The following VPS35L variants were observed in gnomAD, a reference collection of about 807,000 sequenced individuals.
The protein encoded by VPS35L is VPS35 endosomal protein-sorting factor-like.
Under a neutral mutation model 133.0 loss-of-function variants are expected in VPS35L, and 83 were observed. That is an observed-to-expected ratio of 0.62 (90% CI 0.52 to 0.75). The LOEUF (loss-of-function observed/expected upper bound fraction) is 0.75. Among genes scored for constraint, VPS35L ranks in the 30% least tolerant of loss-of-function variants. The probability of loss-of-function intolerance (pLI) is 0.00; values close to 1 mark genes in which losing one functional copy is unlikely to be tolerated. For synonymous variants in VPS35L, 423 were observed against 449.9 expected, an observed-to-expected ratio of 0.94 and a Z score of 0.76; for missense variants, 1,083 against 1,206.8, an observed-to-expected ratio of 0.90 and a Z score of 1.52.
chr16:19,688,052 G>C (rs1042123998), intron 28 of VPS35L, among the ~76,000 whole-genome samples: 6 of 151,350 alleles, frequency 4.0e-5, no homozygotes, highest in Non-Finnish European at 7.4e-5. Context: ...TCAGCCTCCC[G>C]AGTAGCTGGG....
chr16:19,656,447 A>T (rs1228450808), intron 26 of VPS35L, among the ~76,000 whole-genome samples: 1 of 151,444 alleles, frequency 6.6e-6, no homozygotes, highest in Admixed American at 6.6e-5. Flanking sequence ...GAATTACATG[A>T]TGTATTTGGC....
At chr16:19,622,140 C>CTTTTTTTTTTTTTTT (rs60521137) in intron 14 of VPS35L, among the ~76,000 whole-genome samples, 3 of 107,918 alleles carry the variant, frequency 2.8e-5, no homozygotes, top group Non-Finnish European at 5.4e-5. Flanking sequence ...CCATGTATAT[C>CTTTTTTTTTTTTTTT]TTTTTTTTTT....
At chr16:19,656,243 A>G (rs1428578623) in intron 26 of VPS35L, among the ~76,000 whole-genome samples, 16 of 148,284 alleles carry the variant, frequency 1.1e-4, no homozygotes, top group Middle Eastern at 3.5e-3. Flanking sequence ...CAGCCTGGGC[A>G]ACAAAGCGAG....
At chr16:19,658,897 G>A (rs1219487598) in intron 26 of VPS35L, among the ~76,000 whole-genome samples, 5 of 152,124 alleles carry the variant, frequency 3.3e-5, no homozygotes, top group Non-Finnish European at 7.4e-5. Context: ...GTTTTATTCA[G>A]TACGTATTAT....
chr16:19,572,192 G>A (rs1294130346), intron 3 of VPS35L, among the ~76,000 whole-genome samples: 3 of 152,130 alleles, frequency 2.0e-5, no homozygotes, highest in African/African-American at 2.4e-5. Context: ...GGCTGAGGCG[G>A]GCGGATCATG....
chr16:19,643,933 G>A (rs1973862107), intron 22 of VPS35L, among the ~76,000 whole-genome samples: 1 of 152,028 alleles, frequency 6.6e-6, no homozygotes, highest in Admixed American at 6.6e-5. Flanking sequence ...ACTCCAGCCT[G>A]GGCAACAAGA....
chr16:19,686,421 A>T (rs1975462291), intron 28 of VPS35L, among the ~76,000 whole-genome samples: 1 of 152,206 alleles, frequency 6.6e-6, no homozygotes, highest in South Asian at 2.1e-4. Context: ...TGTAGAAGTG[A>T]AGAATAGTCT....
intron 10 of VPS35L, 156 bp downstream of exon 10, chr16:19,608,430 C>T (rs1450390447): frequency 1.6e-6 from 1 of 616,786 alleles, no homozygotes; most frequent in Non-Finnish European, 2.8e-6. Flanking sequence ...GGGCAAGCCA[C>T]ATTGTAGAAA....
At chr16:19,621,119 A>G (rs1347285805) in intron 14 of VPS35L, among the ~76,000 whole-genome samples, 3 of 152,156 alleles carry the variant, frequency 2.0e-5, no homozygotes, top group Non-Finnish European at 4.4e-5. Flanking sequence ...TGGAGAAGAG[A>G]GGGCCATCTA....
intron 26 of VPS35L, among the ~76,000 whole-genome samples, chr16:19,658,210 A>G (rs1474420883): frequency 6.6e-6 from 1 of 152,152 alleles, no homozygotes; most frequent in Non-Finnish European, 1.5e-5. Flanking sequence ...CAAGCATTGT[A>G]TGGGCAACAG....
In VPS35L at chr16:19,579,071, A is replaced by G. The variant is rs2151515526; in HGVS notation, c.453A>G (p.Thr151=). 2 of 1,614,176 alleles carry G rather than the reference A, an allele frequency of 1.2e-6. No homozygotes were observed. The highest frequency in any genetic ancestry group is 1.7e-6 in the Non-Finnish European group (2 of 1,180,034). The change falls in exon 6 of 31, where the codon ACA becomes ACG. Residue 151 remains threonine (T), a synonymous_variant. Coordinates refer to ENST00000417362, the MANE Select transcript of VPS35L (RefSeq NM_020314.7). ...GTTTAGGCAAAGCTGGGACTGCCAC[A>G]TTGGCAATGTCAGAGAAGGTGCGGA... ...GSEKGKAGTA[T]LAMSEKVRTR...
intron 27 of VPS35L, among the ~76,000 whole-genome samples, chr16:19,679,047 G>T (rs1484760583): frequency 1.3e-5 from 2 of 150,538 alleles, no homozygotes; most frequent in Non-Finnish European, 2.9e-5. Context: ...TATTCCCAAG[G>T]CAGATCCTTA....
intron 23 of VPS35L, among the ~76,000 whole-genome samples, chr16:19,647,477 A>G (rs572613075): frequency 1.3e-5 from 2 of 152,306 alleles, no homozygotes; most frequent in Admixed American, 1.3e-4. Context: ...GGAAGCAGAA[A>G]GGTGTGACTG....
intron 27 of VPS35L, 41 bp downstream of exon 27, chr16:19,669,340 C>T (rs1974801198): frequency 6.3e-7 from 1 of 1,574,970 alleles, no homozygotes; most frequent in Non-Finnish European, 8.7e-7. Flanking sequence ...GTCTTCCTTT[C>T]ACCTGCCTTA....
intron 26 of VPS35L, among the ~76,000 whole-genome samples, chr16:19,654,703 T>C (rs1217430742): frequency 4.6e-5 from 7 of 152,144 alleles, no homozygotes; most frequent in Admixed American, 3.9e-4. Context: ...GGTTCCTTCT[T>C]TAAAAGCTCA....
In VPS35L at chr16:19,559,585, C is replaced by G. The variant is rs117603776; in HGVS notation, c.17+3839C>G. The stretch of plus-strand genomic sequence containing the variant: ...GATTAAAGAAAATGCTTTAACATCT[C>G]AGACTTAGGGATCAGAGAGCAAATT... On this transcript the variant is annotated intron_variant, in intron 1 of 30. Coordinates refer to ENST00000417362, the MANE Select transcript of VPS35L (RefSeq NM_020314.7). Among the ~76,000 whole-genome samples the G allele has an allele frequency of 2.0e-3, 307 of 152,288 alleles. 6 individuals carry two copies. In the East Asian group the frequency reaches 0.054, roughly 27 times the overall value.
chr16:19,610,389 G>A lies in VPS35L; in HGVS notation c.997G>A (p.Val333Met). Residue 333 changes from valine (V) to methionine (M), a missense_variant, in exon 12 of 31, where the codon GTG becomes ATG. By Grantham distance (21) the Val-to-Met change is conservative (BLOSUM62 1). Transcript: ENST00000417362. The stretch of plus-strand genomic sequence containing the variant: ...AGGGATCGGAGACCCACTAGTGTCG[G>A]TGTATGCCCGTGCCTACCTGTGCCG... The part of the protein sequence containing the change: ...IRGIGDPLVS[V>M]YARAYLCRVG... 6.2e-7 allele frequency: 1 copy of A among 1,614,018 alleles called. No individual in the cohort carries two copies. The highest frequency in any genetic ancestry group is 1.7e-4 in the Middle Eastern group (1 of 6,056).
intron 28 of VPS35L, among the ~76,000 whole-genome samples, chr16:19,688,928 C>T (rs1340041307): frequency 6.6e-6 from 1 of 152,194 alleles, no homozygotes; most frequent in Non-Finnish European, 1.5e-5. Flanking sequence ...GAAGTGTTCC[C>T]AGTAGGGACC....
intron 7 of VPS35L, among the ~76,000 whole-genome samples, chr16:19,584,764 G>A (rs1339203697): frequency 6.6e-6 from 1 of 151,026 alleles, no homozygotes; most frequent in Non-Finnish European, 1.5e-5. Flanking sequence ...TGATCATTCT[G>A]CATTACAGCC....
Sources: gnomAD v4.1 joint callset for allele counts (sites outside exome capture counted in the v4.1 genomes callset) on GRCh38, gnomAD v4.1.1 for gene constraint, MANE v1.5 for transcripts, NCBI Gene and HGNC (gene_info 2026-07-23, HGNC 2026-07-21) for gene names.